NSD2: variants seen among roughly 807,000 people sequenced by gnomAD.
NSD2 encodes nuclear receptor binding SET domain protein 2.
NSD2 carries 12 observed loss-of-function variants against 139.0 expected under a neutral mutation model. That is an observed-to-expected ratio of 0.09 (90% confidence interval 0.06 to 0.14). NSD2 has a LOEUF of 0.14. NSD2 is among the 10% of genes least tolerant of loss of function. The pLI is 1.00. For synonymous variants in NSD2, 669 were observed against 648.7 expected, an observed-to-expected ratio of 1.03 and a Z score of -0.48; for missense variants, 1,155 against 1,745.0, an observed-to-expected ratio of 0.66 and a Z score of 6.02.
Position 1,948,264 on chromosome 4 carries a change from G to A in NSD2, c.1882-2808G>A. 1 of 1,065,406 alleles carries A rather than the reference G, an allele frequency of 9.4e-7. No homozygotes were observed. Among genetic ancestry groups the A allele is most frequent in the African/African-American group, 1.6e-5 (1 of 61,140 alleles). The allele number at this position is 1,065,406 out of a possible 1,614,324, so 66.0% of individuals were successfully genotyped here. A position where few individuals can be genotyped will look rare whatever the true frequency, so the allele number is the denominator to read the frequency against. On this transcript the variant is annotated intron_variant, in intron 9 of 21. Transcript: ENST00000508803. The surrounding 1 kb of genome is among the most constrained non-coding windows in gnomAD (Gnocchi z 4.5). ...TCTTGACAGAGTCTGTGTCCGCTCA[G>A]TCCCTGCACTTTTCCTTTCCAAATG...
intron 7 of NSD2, among the ~76,000 whole-genome samples, chr4:1,936,120 C>T (rs1285482565): frequency 1.3e-5 from 2 of 152,210 alleles, no homozygotes; most frequent in African/African-American, 2.4e-5. Context: ...GCCCCGGGTC[C>T]TTGTGCTCCT....
intron 9 of NSD2, among the ~76,000 whole-genome samples, chr4:1,950,251 G>C (rs1560741255): frequency 1.3e-5 from 2 of 152,204 alleles, no homozygotes; most frequent in African/African-American, 4.8e-5. Context: ...GCTGTATTCA[G>C]CCTGGTCTTC....
At position 1,946,339 on chromosome 4, in the gene NSD2, C is replaced by T. The variant is rs1275908591; in HGVS notation, c.1882-4733C>T. Reference sequence around the variant, plus strand: ...AGTGCAGTAAGTGGCACAATCTCGGCTCACTGCAACCTCCGCCTCCTTGGT... The same window carrying T: ...AGTGCAGTAAGTGGCACAATCTCGGTTCACTGCAACCTCCGCCTCCTTGGT... On this transcript the variant is annotated intron_variant, in intron 9 of 21. Coordinates refer to ENST00000508803, the MANE Select transcript of NSD2 (RefSeq NM_001042424.3). The T allele has an allele frequency of 8.5e-6, 5 of 585,356 alleles. No individual in the cohort carries two copies. The East Asian group carries it at 4.2e-4, about 50-fold the overall frequency. 36.3% of individuals were successfully genotyped at this position (585,356 alleles called of 1,614,324 possible). A position where few individuals can be genotyped will look rare whatever the true frequency, so the allele number is the denominator to read the frequency against.
At position 1,935,268 on chromosome 4, in the gene NSD2, T is replaced by A; in HGVS notation, c.1674+6T>A. 1 of 1,609,492 alleles carries A rather than the reference T, an allele frequency of 6.2e-7. No individual in the cohort carries two copies. Among genetic ancestry groups the A allele is most frequent in the Non-Finnish European group, 8.5e-7 (1 of 1,177,022 alleles). On this transcript the variant is annotated splice_donor_region_variant and intron_variant, in intron 7 of 21. Transcript: ENST00000508803. ...ACAAGCACAGTCTTCGGAAGGTAAT[T>A]GTGTTCCAGGTTTGCTTGACCTGTC...
chr4:1,971,327 C>T (rs1033595179), intron 18 of NSD2, among the ~76,000 whole-genome samples: 1 of 152,182 alleles, frequency 6.6e-6, no homozygotes, highest in African/African-American at 2.4e-5. Context: ...AGAGCCACCA[C>T]TGGGGATGAG....
Position 1,982,068 on chromosome 4 carries a change from G to T in NSD2, c.*3159G>T, listed in dbSNP as rs999652676. ...TTAAAAACTTGAAATTCACTTTTTG[G>T]GGGGAGGGATATACTGAAATAGAGA... On this transcript the variant is annotated 3_prime_UTR_variant, in exon 22 of 22. Transcript: ENST00000508803. 12 of 397,342 alleles carry T rather than the reference G, an allele frequency of 3.0e-5. No homozygotes were observed. Among genetic ancestry groups the T allele is most frequent in the South Asian group, 2.8e-4 (2 of 7,148 alleles). The allele number at this position is 397,342 out of a possible 1,614,324, so 24.6% of individuals were successfully genotyped here.
In NSD2 at chr4:1,972,628, C is replaced by A. The variant is rs1336992354; in HGVS notation, c.3373-2235C>A. Among the ~76,000 whole-genome samples the A allele has an allele frequency of 6.6e-6, 1 of 152,184 alleles. No individual in the cohort carries two copies. Among genetic ancestry groups the A allele is most frequent in the Non-Finnish European group, 1.5e-5 (1 of 68,032 alleles). On this transcript the variant is annotated intron_variant, in intron 18 of 21. Coordinates refer to ENST00000508803, the MANE Select transcript of NSD2 (RefSeq NM_001042424.3). The surrounding 1 kb of genome is among the most constrained non-coding windows in gnomAD (Gnocchi z 4.0). ...CACGCACTGATGCCTCCCCTCACAC[C>A]ACTTATAAAGGCCAATTCCAGATGG...
rs116150648 is a variant in NSD2, at chr4:1,905,933, C to T, written c.760+1555C>T. On this transcript the variant is annotated intron_variant, in intron 3 of 21. Transcript: ENST00000508803. Reference sequence around the variant, plus strand: ...TGCTGGTTGAGACAGAAGCTGTCTCCCCTTTGTCTGAGGATGGACCTTCAA... The same window carrying T: ...TGCTGGTTGAGACAGAAGCTGTCTCTCCTTTGTCTGAGGATGGACCTTCAA... 5.4e-3 allele frequency among the ~76,000 whole-genome samples: 825 copies of T among 152,252 alleles called. 5 individuals carry two copies. Among genetic ancestry groups the T allele is most frequent in the African/African-American group, 0.019 (794 of 41,540 alleles).
chr4:1,949,095 C>G (rs1253170286), intron 9 of NSD2, among the ~76,000 whole-genome samples: 1 of 152,250 alleles, frequency 6.6e-6, no homozygotes, highest in Non-Finnish European at 1.5e-5. Flanking sequence ...CCTGGCTCCC[C>G]CTCCAGTCTC....
In NSD2 at chr4:1,930,711, G is replaced by A. The variant is rs1721533708; in HGVS notation, c.1496G>A (p.Arg499Lys). ...SQWSLLSEKQ[R>K]ARYNTKFALV... ...TGGAGTCTGCTGAGTGAGAAGCAGA[G>A]AGCACGCTACAACACCAAGTTTGCC... Residue 499 changes from arginine to lysine, a missense_variant, in exon 6 of 22, where the codon AGA (arginine) becomes AAA (lysine). Arg to Lys is a conservative substitution (Grantham distance 26, BLOSUM62 2). Coordinates refer to ENST00000508803, the MANE Select transcript of NSD2 (RefSeq NM_001042424.3). 6.2e-7 allele frequency: 1 copy of A among 1,613,882 alleles called. No individual in the cohort carries two copies. Among genetic ancestry groups the A allele is most frequent in the Non-Finnish European group, 8.5e-7 (1 of 1,179,984 alleles).
chr4:1,957,255 G>A (rs1227130198), intron 15 of NSD2, among the ~76,000 whole-genome samples: 2 of 151,834 alleles, frequency 1.3e-5, no homozygotes, highest in Non-Finnish European at 2.9e-5. Flanking sequence ...CTTTTGTTTC[G>A]AGAGGAGCTC....
rs201351189 is a variant in NSD2 at position 1,905,139 on chromosome 4, A to G, written c.760+761A>G. 2.0e-5 allele frequency among the ~76,000 whole-genome samples: 3 copies of G among 152,320 alleles called. No individual in the cohort carries two copies. In the East Asian group the frequency reaches 5.8e-4, roughly 29 times the overall value. ...CAGCGAAACTCTGTCTCACAAAAAA[A>G]AAAAGAATGTTATATGTCCCTGATA... On this transcript the variant is annotated intron_variant, in intron 3 of 21. Transcript: ENST00000508803.
At position 1,896,135 on chromosome 4, in the gene NSD2, A is replaced by C. The variant is rs75166276; in HGVS notation, c.-29-4491A>C. Among the ~76,000 whole-genome samples, 590 of 152,350 alleles carry C rather than the reference A, an allele frequency of 3.9e-3. 20 individuals are homozygous for C. The East Asian group carries it at 0.096, about 25-fold the overall frequency. ...GAGCTGGGATTCTAGTCCAGACAGC[A>C]GCTCCACACTTGGTGCTCCTAATCA... On this transcript the variant is annotated intron_variant, in intron 1 of 21. Coordinates refer to ENST00000508803, the MANE Select transcript of NSD2 (RefSeq NM_001042424.3).
At chr4:1,953,003 A>AG in intron 11 of NSD2, 1 of 1,438,126 alleles carries the variant, frequency 7.0e-7, no homozygotes, top group Non-Finnish European at 9.1e-7. Flanking sequence ...GCTCTCAAGG[A>AG]GGAAAGGCCT....
rs150979205 is a variant in NSD2 at position 1,952,089 on chromosome 4, G to T, written c.2014-19G>T. The T allele has an allele frequency of 5.0e-6, 8 of 1,612,550 alleles. No homozygotes were observed. Among genetic ancestry groups the T allele is most frequent in the African/African-American group, 2.7e-5 (2 of 74,904 alleles). ...AGGGACTGCCGGGCGCTGCTTACCC[G>T]CCTGCTCTGCCCCCGCAGCTGTGTG... On this transcript the variant is annotated intron_variant, in intron 10 of 21. Transcript: ENST00000508803.
Position 1,981,663 on chromosome 4 carries a change from C to T in NSD2, c.*2754C>T, listed in dbSNP as rs947858379. 2.5e-6 allele frequency: 1 copy of T among 392,360 alleles called. No individual in the cohort carries two copies. The highest frequency in any genetic ancestry group is 4.5e-6 in the Non-Finnish European group (1 of 222,564). The allele number at this position is 392,360 out of a possible 1,614,324, so 24.3% of individuals were successfully genotyped here. A position where few individuals can be genotyped will look rare whatever the true frequency, so the allele number is the denominator to read the frequency against. ...GGCCGGCCTTTCTTCCGGCGACACCCGTCCATGGCTGGCTGGGTCCCCTTC... is the reference window on the plus strand; with the variant it reads ...GGCCGGCCTTTCTTCCGGCGACACCTGTCCATGGCTGGCTGGGTCCCCTTC... On this transcript the variant is annotated 3_prime_UTR_variant, in exon 22 of 22. Transcript: ENST00000508803.
At chr4:1,880,840 GTGTT>G (rs1714645719) in intron 1 of NSD2, among the ~76,000 whole-genome samples, 1 of 152,210 alleles carries the variant, frequency 6.6e-6, no homozygotes, top group African/African-American at 2.4e-5. Flanking sequence ...GGGCTTATCT[GTGTT>G]TGTGTCAGAT....
At chr4:1,877,865 T>TA (rs1714376415) in intron 1 of NSD2, among the ~76,000 whole-genome samples, 2 of 152,052 alleles carry the variant, frequency 1.3e-5, no homozygotes, top group South Asian at 2.1e-4. Flanking sequence ...ACCACTGATT[T>TA]AAAGTACTCT....
intron 1 of NSD2, among the ~76,000 whole-genome samples, chr4:1,880,149 C>T (rs939334758): frequency 9.2e-5 from 14 of 152,134 alleles, no homozygotes; most frequent in African/African-American, 3.4e-4. Context: ...TCTTTCCCCT[C>T]CAAAATTCGG....
Sources: allele counts gnomAD v4.1 joint callset (sites outside exome capture counted in the v4.1 genomes callset), GRCh38; gene constraint gnomAD v4.1.1; non-coding constraint Gnocchi (gnomAD v3.1); transcripts MANE v1.5; gene names NCBI Gene and HGNC (gene_info 2026-07-23, HGNC 2026-07-21).